Variants in WDR47 observed in about 807,000 individuals in gnomAD.
The protein encoded by WDR47 is WD repeat domain 47, also known as WD repeat-containing protein 47.
A neutral mutation model predicts 97.2 loss-of-function variants in WDR47; 32 were observed. The ratio of observed to expected loss-of-function variants is 0.33; its 90% confidence interval spans 0.25 to 0.44. WDR47 has a LOEUF of 0.44. WDR47 is among the 20% of genes least tolerant of loss of function. WDR47 has a pLI of 1.00. For missense variants in WDR47, 782 were observed against 1,102.3 expected, an observed-to-expected ratio of 0.71 and a Z score of 4.11; for synonymous variants, 375 against 373.5, an observed-to-expected ratio of 1.00 and a Z score of -0.05.
chr1:108,988,164 G>C (rs1658995966), intron 9 of WDR47, among the ~76,000 whole-genome samples: 1 of 148,160 alleles, frequency 6.7e-6, no homozygotes, highest in African/African-American at 2.5e-5. Flanking sequence ...AGGATCGATT[G>C]AGTCTGGGAG....
Position 108,971,309 on chromosome 1 carries a change from A to G in WDR47, c.*121T>C. The G allele has an allele frequency of 7.5e-7, 1 of 1,342,068 alleles. No individual in the cohort carries two copies. Among genetic ancestry groups the G allele is most frequent in the African/African-American group, 1.5e-5 (1 of 68,912 alleles). The allele number at this position is 1,342,068 out of a possible 1,614,324, so 83.1% of individuals were successfully genotyped here. A position where few individuals can be genotyped will look rare whatever the true frequency, so the allele number is the denominator to read the frequency against. On this transcript the variant is annotated 3_prime_UTR_variant, in exon 15 of 15. Coordinates refer to ENST00000369962, the MANE Select transcript of WDR47 (RefSeq NM_001142551.2). The stretch of plus-strand genomic sequence containing the variant: ...TCCTATCAGTGGGATACATGGTAAT[A>G]AGGGGCCTCTTCGTGCTAAACCACT...
At position 109,031,728 on chromosome 1, in the gene WDR47, G is replaced by A. The variant is rs553696864; in HGVS notation, c.-9-8207C>T. ...AAGTAATAATATTTCAAAGGAATTTGTATTTCTTCCCCATAACCCAAGACC... is the reference window on the plus strand; with the variant it reads ...AAGTAATAATATTTCAAAGGAATTTATATTTCTTCCCCATAACCCAAGACC... On this transcript the variant is annotated intron_variant, in intron 1 of 14. Transcript: ENST00000369962. 4.6e-4 allele frequency among the ~76,000 whole-genome samples: 62 copies of A among 135,586 alleles called. 12 individuals are homozygous for A. Among genetic ancestry groups the A allele is most frequent in the African/African-American group, 1.6e-3 (61 of 38,010 alleles). The allele number at this position is 135,586 out of a possible 152,430, so 88.9% of individuals were successfully genotyped here. A position where few individuals can be genotyped will look rare whatever the true frequency, so the allele number is the denominator to read the frequency against.
At chr1:108,998,719 C>T (rs564095661) in intron 7 of WDR47, among the ~76,000 whole-genome samples, 3 of 152,148 alleles carry the variant, frequency 2.0e-5, no homozygotes, top group African/African-American at 7.2e-5. Flanking sequence ...AATTGTGTAA[C>T]ACACCTTACT....
intron 2 of WDR47, among the ~76,000 whole-genome samples, chr1:109,022,090 C>T (rs1275928395): frequency 6.6e-6 from 1 of 152,038 alleles, no homozygotes; most frequent in Non-Finnish European, 1.5e-5. Context: ...TCAGGTGATC[C>T]GCCTGCCTTG....
intron 2 of WDR47, among the ~76,000 whole-genome samples, chr1:109,022,589 AT>A: frequency 6.6e-6 from 1 of 151,584 alleles, no homozygotes; most frequent in East Asian, 1.9e-4. Flanking sequence ...CCTTTTTTTT[AT>A]TTTTGTATTT....
intron 1 of WDR47, among the ~76,000 whole-genome samples, chr1:109,036,713 G>A (rs1364175375): frequency 6.6e-6 from 1 of 151,596 alleles, no homozygotes; most frequent in East Asian, 2.0e-4. Context: ...GCAGGCGCCT[G>A]TAGTCCCAGC....
chr1:109,024,306 T>C (rs779870388), intron 1 of WDR47, among the ~76,000 whole-genome samples: 2 of 151,982 alleles, frequency 1.3e-5, no homozygotes, highest in Non-Finnish European at 2.9e-5. Context: ...ATTAAAAAAT[T>C]AGCAGGGCAA....
chr1:109,027,711 A>G (rs576427508), intron 1 of WDR47, among the ~76,000 whole-genome samples: 11 of 151,810 alleles, frequency 7.2e-5, no homozygotes, highest in African/African-American at 2.2e-4. Flanking sequence ...TTTAGTAGAG[A>G]TGGGGTTTCA....
At chr1:109,034,648 G>A (rs978304782) in intron 1 of WDR47, among the ~76,000 whole-genome samples, 1 of 152,104 alleles carries the variant, frequency 6.6e-6, no homozygotes, top group African/African-American at 2.4e-5. Context: ...ACATATGAGG[G>A]ATCTAAACTG....
At chr1:109,039,002 A>T (rs1330284316) in intron 1 of WDR47, among the ~76,000 whole-genome samples, 1 of 151,964 alleles carries the variant, frequency 6.6e-6, no homozygotes, top group Non-Finnish European at 1.5e-5. Flanking sequence ...AATAATAAAT[A>T]AATAAATAAA....
rs531064386 is a variant in WDR47 at position 109,032,401 on chromosome 1, G to A, written c.-9-8880C>T. On this transcript the variant is annotated intron_variant, in intron 1 of 14. Coordinates refer to ENST00000369962, the MANE Select transcript of WDR47 (RefSeq NM_001142551.2). ...CGGGCGCCTGTAGTCCCAGCTACTCGGGAGGCTGAGGCAGGAGAATGGCAT... is the reference window on the plus strand; with the variant it reads ...CGGGCGCCTGTAGTCCCAGCTACTCAGGAGGCTGAGGCAGGAGAATGGCAT... Among the ~76,000 whole-genome samples the A allele has an allele frequency of 5.5e-4, 74 of 134,924 alleles. 6 individuals are homozygous for A. Among genetic ancestry groups the A allele is most frequent in the African/African-American group, 1.7e-3 (65 of 37,538 alleles). The allele number at this position is 134,924 out of a possible 152,430, so 88.5% of individuals were successfully genotyped here. A position where few individuals can be genotyped will look rare whatever the true frequency, so the allele number is the denominator to read the frequency against.
intron 2 of WDR47, among the ~76,000 whole-genome samples, chr1:109,021,882 C>A (rs1003255684): frequency 1.3e-5 from 2 of 151,880 alleles, no homozygotes; most frequent in African/African-American, 4.8e-5. Context: ...TAGTCTTGCT[C>A]TGTCGCCCAG....
At chr1:108,998,054 T>C (rs1400545175) in intron 7 of WDR47, among the ~76,000 whole-genome samples, 1 of 152,222 alleles carries the variant, frequency 6.6e-6, no homozygotes, top group Non-Finnish European at 1.5e-5. Flanking sequence ...TAAATATTTA[T>C]CAGTTAAAAA....
intron 13 of WDR47, among the ~76,000 whole-genome samples, chr1:108,980,008 C>T (rs535934361): frequency 1.3e-5 from 2 of 152,234 alleles, no homozygotes; most frequent in East Asian, 1.9e-4. Flanking sequence ...CTCACAGGAG[C>T]GGGAACCCTA....
At position 108,974,668 on chromosome 1, in the gene WDR47, T is replaced by C. The variant is rs1657745490; in HGVS notation, c.2485A>G (p.Ile829Val). 1.2e-6 allele frequency: 2 copies of C among 1,614,170 alleles called. No individual in the cohort carries two copies. The highest frequency in any genetic ancestry group is 1.7e-6 in the Non-Finnish European group (2 of 1,180,028). ...QEDSSCMLYDIRGGRMVQSYH... is the reference protein window; with the variant it reads ...QEDSSCMLYDVRGGRMVQSYH... ...CTTTGTACCATTCTTCCTCCTCTTA[T>C]GTCATACAACATGCAGCTAGAATCT... Residue 829 changes from isoleucine (I) to valine (V), a missense_variant, in exon 14 of 15, where the codon ATA becomes GTA. By Grantham distance (29) the Ile-to-Val change is conservative. Around this residue, in one of 3 missense-constraint regions of WDR47, gnomAD observed 228 missense variants for 396.7 expected, o/e 0.57. Transcript: ENST00000369962.
chr1:108,997,965 GTTTA>G (rs1659889435), intron 7 of WDR47, among the ~76,000 whole-genome samples: 1 of 151,902 alleles, frequency 6.6e-6, no homozygotes, highest in Admixed American at 6.6e-5. Context: ...ATTAAACATT[GTTTA>G]TTTATATTTT....
intron 10 of WDR47, among the ~76,000 whole-genome samples, chr1:108,984,953 AACCAATTATC>A (rs1658662129): frequency 6.6e-6 from 1 of 152,116 alleles, no homozygotes; most frequent in African/African-American, 2.4e-5. Context: ...TCAGCTGCAC[AACCAATTATC>A]ACCAAGTCCC....
Position 108,993,448 on chromosome 1 carries a change from C to T in WDR47, c.1692-2119G>A, listed in dbSNP as rs1659518353. Among the ~76,000 whole-genome samples the T allele has an allele frequency of 3.3e-5, 5 of 152,036 alleles. No homozygotes were observed. The South Asian group carries it at 1.0e-3, about 31-fold the overall frequency. ...GAGGAATGATTTTCATCCTAGAATTCTATACCCAGCTATACTAACAAAAAA... is the reference window on the plus strand; with the variant it reads ...GAGGAATGATTTTCATCCTAGAATTTTATACCCAGCTATACTAACAAAAAA... On this transcript the variant is annotated intron_variant, in intron 8 of 14. Transcript: ENST00000369962.
chr1:109,017,964 G>A (rs1201293798), intron 2 of WDR47, among the ~76,000 whole-genome samples: 1 of 151,484 alleles, frequency 6.6e-6, no homozygotes, highest in Non-Finnish European at 1.5e-5. Flanking sequence ...GGCCAGGCTG[G>A]TCTCAAGCTC....
Sources: gnomAD v4.1 joint callset for allele counts (sites outside exome capture counted in the v4.1 genomes callset) on GRCh38, gnomAD v4.1.1 for gene constraint, gnomAD v4.1.1 regional missense constraint, MANE v1.5 for transcripts, NCBI Gene and HGNC (gene_info 2026-07-23, HGNC 2026-07-21) for gene names.